Variants in APBA1 observed in about 807,000 individuals in gnomAD.
APBA1 encodes amyloid-beta A4 precursor protein-binding family A member 1.
APBA1 carries 55 observed loss-of-function variants against 86.6 expected under a neutral mutation model. That is an observed-to-expected ratio of 0.64 (90% CI 0.51 to 0.80). The LOEUF (loss-of-function observed/expected upper bound fraction) is 0.80. Among genes scored for constraint, APBA1 ranks in the 30% least tolerant of loss-of-function variants. APBA1 has a pLI of 0.00. For missense variants in APBA1, 1,090 were observed against 1,183.0 expected (o/e 0.92, Z 1.15); for synonymous variants, 511 against 493.9 (o/e 1.03, Z -0.46).
chr9:69,543,325 G>C (rs1239370398), intron 1 of APBA1, among the ~76,000 whole-genome samples: 1 of 150,404 alleles, frequency 6.6e-6, no homozygotes, highest in East Asian at 1.9e-4. Context: ...TGCACTTGTG[G>C]CTCTGCTTGC....
chr9:69,516,573 A>G lies in APBA1; in HGVS notation c.638T>C (p.Leu213Pro), dbSNP rs1373409407. 5.6e-6 allele frequency: 9 copies of G among 1,600,936 alleles called. No individual in the cohort carries two copies. Among genetic ancestry groups the G allele is most frequent in the Non-Finnish European group, 7.6e-6 (9 of 1,178,704 alleles). The change falls in exon 2 of 13, where the codon CTG becomes CCG. Residue 213 changes from leucine to proline, a missense_variant. Leu to Pro is a moderately conservative substitution (Grantham distance 98). This residue lies in a region of APBA1 where 678 missense variants were observed against 647.1 expected (regional missense o/e 1.05). Coordinates refer to ENST00000265381, the MANE Select transcript of APBA1 (RefSeq NM_001163.4). This position sits in a 1 kb window ranked among gnomAD's most constrained non-coding sequence, Gnocchi z 7.3. ...GTCGCGCTCCTGCTCGTAGAGCCGC[A>G]GGCCGTCGCGTGCGTCCAGCTCGGG... ...DAPELDARDGLRLYEQERDEA... is the reference protein window; with the variant it reads ...DAPELDARDGPRLYEQERDEA...
At chr9:69,470,916 G>A (rs1035436533) in intron 4 of APBA1, among the ~76,000 whole-genome samples, 1 of 152,170 alleles carries the variant, frequency 6.6e-6, no homozygotes, top group African/African-American at 2.4e-5. Context: ...CCTGGCCTTA[G>A]AGTAGGTGCC....
rs115992810 is a variant in APBA1, at chr9:69,442,787, C to A, written c.2182-1672G>T. 2.4e-3 allele frequency among the ~76,000 whole-genome samples: 360 copies of A among 152,332 alleles called. 1 individual carries two copies. Among genetic ancestry groups the A allele is most frequent in the African/African-American group, 8.1e-3 (336 of 41,580 alleles). On this transcript the variant is annotated intron_variant, in intron 10 of 12. Transcript: ENST00000265381. ...TCACTCCTTGACCAGTCTACCAAATCTTTTTCAGTGCGAGGTCAGGACTTA... is the reference window on the plus strand; with the variant it reads ...TCACTCCTTGACCAGTCTACCAAATATTTTTCAGTGCGAGGTCAGGACTTA...
At chr9:69,611,368 G>T (rs1822586445) in intron 1 of APBA1, among the ~76,000 whole-genome samples, 1 of 148,166 alleles carries the variant, frequency 6.7e-6, no homozygotes, top group Non-Finnish European at 1.5e-5. Flanking sequence ...AGGCAAACCA[G>T]ATCAACAAAC....
In APBA1 at chr9:69,458,201, G is replaced by C; in HGVS notation, c.1483-13C>G. 1 of 1,606,716 alleles carries C rather than the reference G, an allele frequency of 6.2e-7. No individual in the cohort carries two copies. Among genetic ancestry groups the C allele is most frequent in the African/African-American group, 1.3e-5 (1 of 74,664 alleles). ...ATTTCTGGGCCATCTGCTTAGCATG[G>C]AACAAACAGAGACAGGAGAATAGTT... is the stretch of plus-strand genomic sequence containing the variant. On this transcript the variant is annotated splice_polypyrimidine_tract_variant and intron_variant, in intron 5 of 12. Coordinates refer to ENST00000265381, the MANE Select transcript of APBA1 (RefSeq NM_001163.4).
chr9:69,649,367 C>T lies in APBA1; in HGVS notation c.-70+22786G>A, dbSNP rs182711034. Reference sequence around the variant, plus strand: ...GCCTGGAGCTCCTGCCTGACCAGACCCTGGCTCAGTCTCCAGCCAGCTAAC... The same window carrying T: ...GCCTGGAGCTCCTGCCTGACCAGACTCTGGCTCAGTCTCCAGCCAGCTAAC... On this transcript the variant is annotated intron_variant, in intron 1 of 12. Coordinates refer to ENST00000265381, the MANE Select transcript of APBA1 (RefSeq NM_001163.4). Among the ~76,000 whole-genome samples, 431 of 152,202 alleles carry T rather than the reference C, an allele frequency of 2.8e-3. 8 individuals carry two copies. Among genetic ancestry groups the T allele is most frequent in the African/African-American group, 9.9e-3 (411 of 41,534 alleles).
At chr9:69,531,805 A>G (rs1457977582) in intron 1 of APBA1, among the ~76,000 whole-genome samples, 1 of 152,210 alleles carries the variant, frequency 6.6e-6, no homozygotes, top group Non-Finnish European at 1.5e-5. Context: ...GAACTGGGGA[A>G]TGGAGTAAAA....
intron 1 of APBA1, 126 bp from the exon 2 acceptor site, chr9:69,517,405 T>C: frequency 9.9e-7 from 1 of 1,005,712 alleles, no homozygotes; most frequent in East Asian, 3.1e-5. Context: ...AAAAAAAGAC[T>C]GCAAATTTAA....
rs148479409 is a variant in APBA1, at chr9:69,497,809, G to A, written c.1200+18202C>T. On this transcript the variant is annotated intron_variant, in intron 2 of 12. Coordinates refer to ENST00000265381, the MANE Select transcript of APBA1 (RefSeq NM_001163.4). ...CCTTTTACGCCACTTTGGTTTCATC[G>A]TCCATCGGTCACTTCGGGATCTGCA... is the stretch of plus-strand genomic sequence containing the variant. Among the ~76,000 whole-genome samples, 43 of 152,070 alleles carry A rather than the reference G, an allele frequency of 2.8e-4. 1 individual carries two copies. In the East Asian group the frequency reaches 5.6e-3, roughly 20 times the overall value.
At chr9:69,560,115 C>A (rs76041964) in intron 1 of APBA1, among the ~76,000 whole-genome samples, 44 of 152,306 alleles carry the variant, frequency 2.9e-4, no homozygotes, top group East Asian at 7.7e-4. Flanking sequence ...CCCCTGCATG[C>A]GTGGACATTA....
chr9:69,452,364 C>A, intron 8 of APBA1, 63 bp from the exon 9 acceptor site: 4 of 1,517,230 alleles, frequency 2.6e-6, no homozygotes, highest in South Asian at 2.4e-5. Context: ...AGCGGCCTGG[C>A]GCACTTCCCA....
chr9:69,560,950 G>A (rs1008602851), intron 1 of APBA1, among the ~76,000 whole-genome samples: 2 of 152,184 alleles, frequency 1.3e-5, no homozygotes, highest in African/African-American at 4.8e-5. Flanking sequence ...TCAGATTTAT[G>A]TACAAGTTGG....
Position 69,516,394 on chromosome 9 carries a change from T to C in APBA1, c.817A>G (p.Ile273Val). The change falls in exon 2 of 13, where the codon ATA becomes GTA. Residue 273 changes from isoleucine (I) to valine (V), a missense_variant. By Grantham distance (29) the Ile-to-Val change is conservative (BLOSUM62 3). Around this residue, in one of 6 missense-constraint regions of APBA1, gnomAD observed 678 missense variants for 647.1 expected, o/e 1.05. Coordinates refer to ENST00000265381, the MANE Select transcript of APBA1 (RefSeq NM_001163.4). The surrounding 1 kb of genome is among the most constrained non-coding windows in gnomAD (Gnocchi z 7.3). Reference protein sequence around the residue: ...SYEQEEDIDQIVAEVKQSMSS... With the variant: ...SYEQEEDIDQVVAEVKQSMSS... ...ATGCTCTGCTTCACCTCGGCCACTA[T>C]CTGGTCGATGTCCTCCTCCTGCTCG... 6.2e-7 allele frequency: 1 copy of C among 1,604,036 alleles called. No homozygotes were observed. The highest frequency in any genetic ancestry group is 8.5e-7 in the Non-Finnish European group (1 of 1,178,638).
chr9:69,647,352 T>C (rs548859728), intron 1 of APBA1, among the ~76,000 whole-genome samples: 1 of 152,324 alleles, frequency 6.6e-6, no homozygotes, highest in South Asian at 2.1e-4. Context: ...TATTATTCCT[T>C]ACCTCCTTCA....
intron 1 of APBA1, among the ~76,000 whole-genome samples, chr9:69,527,799 C>T (rs1378816563): frequency 1.3e-5 from 2 of 152,068 alleles, no homozygotes; most frequent in African/African-American, 4.8e-5. Flanking sequence ...GAAGTGATTT[C>T]GAAGTTAATT....
intron 4 of APBA1, among the ~76,000 whole-genome samples, chr9:69,469,328 A>T (rs1338659169): frequency 1.3e-5 from 2 of 152,190 alleles, no homozygotes; most frequent in African/African-American, 2.4e-5. Context: ...ATCCTTAAAC[A>T]TCAAGCTCAT....
chr9:69,510,352 T>C (rs1170417463), intron 2 of APBA1, among the ~76,000 whole-genome samples: 20 of 150,512 alleles, frequency 1.3e-4, no homozygotes, highest in Admixed American at 1.2e-3. Flanking sequence ...TACCTAGGAA[T>C]CCAACTTACA....
chr9:69,608,100 A>C (rs967754541), intron 1 of APBA1, among the ~76,000 whole-genome samples: 1 of 152,216 alleles, frequency 6.6e-6, no homozygotes, highest in Non-Finnish European at 1.5e-5. Context: ...CGTTTACTTA[A>C]TTGGAAGTGC....
intron 2 of APBA1, among the ~76,000 whole-genome samples, chr9:69,500,857 G>A (rs184381904): frequency 2.8e-4 from 42 of 152,164 alleles, no homozygotes; most frequent in African/African-American, 8.7e-4. Flanking sequence ...ACAAGCATGG[G>A]GTAGAGGCCA....
Sources: gnomAD v4.1 joint callset for allele counts (sites outside exome capture counted in the v4.1 genomes callset) on GRCh38, gnomAD v4.1.1 for gene constraint, gnomAD v4.1.1 regional missense constraint, Gnocchi (gnomAD v3.1) non-coding constraint, MANE v1.5 for transcripts, NCBI Gene and HGNC (gene_info 2026-07-23, HGNC 2026-07-21) for gene names.